DNAI4: variants seen among roughly 807,000 people sequenced by gnomAD.
The protein encoded by DNAI4 is dynein axonemal intermediate chain 4.
In DNAI4, 85 loss-of-function variants were observed where a neutral mutation model predicts 105.8. The observed-to-expected ratio is 0.80, with a 90% CI of 0.67 to 0.96. DNAI4 has a LOEUF of 0.96. Ranked by LOEUF, DNAI4 falls within the 40% of genes least tolerant of loss-of-function variation. DNAI4 has a pLI of 0.00. For synonymous variants in DNAI4, 352 were observed against 331.5 expected (o/e 1.06, Z -0.67); for missense variants, 1,014 against 1,005.6 (o/e 1.01, Z -0.11).
rs962301193 is a variant in DNAI4, at chr1:66,834,311, A to G, written c.1734-163T>C. On this transcript the variant is annotated intron_variant, in intron 11 of 16. Transcript: ENST00000371026. ...TTTATTTTAAATATTTTTAAAAAAGAAAAGACAACCACTTTTCTACTTAAT... is the reference window on the plus strand; with the variant it reads ...TTTATTTTAAATATTTTTAAAAAAGGAAAGACAACCACTTTTCTACTTAAT... 2.6e-5 allele frequency among the ~76,000 whole-genome samples: 4 copies of G among 152,190 alleles called. No homozygotes were observed. The South Asian group carries it at 6.2e-4, about 24-fold the overall frequency.
At chr1:66,885,002 T>C (rs1189783587) in intron 4 of DNAI4, among the ~76,000 whole-genome samples, 1 of 152,254 alleles carries the variant, frequency 6.6e-6, no homozygotes, top group Non-Finnish European at 1.5e-5. Flanking sequence ...AAAAATTGCT[T>C]TTTCTTCATC....
intron 16 of DNAI4, among the ~76,000 whole-genome samples, chr1:66,814,578 T>C (rs1966009): frequency 0.26 from 39,680 of 152,070 alleles, 5,370 homozygotes; most frequent in East Asian, 0.44. Context: ...CTGTGTTAGC[T>C]AGGATGGTCT....
At chr1:66,814,577 C>G (rs940234024) in intron 16 of DNAI4, among the ~76,000 whole-genome samples, 10 of 152,158 alleles carry the variant, frequency 6.6e-5, no homozygotes, top group African/African-American at 2.4e-4. Context: ...ACTGTGTTAG[C>G]TAGGATGGTC....
At chr1:66,824,993 A>C (rs1025537384) in intron 15 of DNAI4, among the ~76,000 whole-genome samples, 3 of 152,194 alleles carry the variant, frequency 2.0e-5, no homozygotes, top group Non-Finnish European at 2.9e-5. Flanking sequence ...CCTGCACTGC[A>C]GATTTCATAC....
At chr1:66,863,002 C>T (rs1268160024) in intron 6 of DNAI4, among the ~76,000 whole-genome samples, 1 of 152,156 alleles carries the variant, frequency 6.6e-6, no homozygotes, top group East Asian at 1.9e-4. Flanking sequence ...ATTGCCCCTG[C>T]TGGGAAAATT....
chr1:66,871,458 G>A lies in DNAI4; in HGVS notation c.852C>T (p.Asp284=). 2 of 1,609,976 alleles carry A rather than the reference G, an allele frequency of 1.2e-6. No homozygotes were observed. The highest frequency in any genetic ancestry group is 1.7e-6 in the Non-Finnish European group (2 of 1,178,100). The change falls in exon 6 of 17, where the codon GAC becomes GAT. Residue 284 remains aspartate (D), a synonymous_variant. Transcript: ENST00000371026. ...EVLCRNRLGN[D]LYVERMMQTF... is the part of the protein sequence containing the mutation. ...TCTGCATCATCCTTTCAACATATAG[G>A]TCATTGCCTAATCTGTTTCTACAAA...
chr1:66,923,690 C>T (rs1193916410), intron 1 of DNAI4, among the ~76,000 whole-genome samples: 1 of 152,134 alleles, frequency 6.6e-6, no homozygotes, highest in Non-Finnish European at 1.5e-5. Flanking sequence ...AGCGTGAGTA[C>T]CATATTCAAG....
chr1:66,908,119 A>G lies in DNAI4; in HGVS notation c.171-2744T>C, dbSNP rs551784731. ...AAAACCAAAATCATGGTTATTTCCA[A>G]TTATCCTCTTACTTTGAGCCTATAC... On this transcript the variant is annotated intron_variant, in intron 1 of 16. Transcript: ENST00000371026. Among the ~76,000 whole-genome samples, 3 of 152,258 alleles carry G rather than the reference A, an allele frequency of 2.0e-5. No individual in the cohort carries two copies. In the South Asian group the frequency reaches 6.2e-4, roughly 32 times the overall value.
chr1:66,818,573 G>A (rs1399849360), intron 16 of DNAI4, among the ~76,000 whole-genome samples: 1 of 152,078 alleles, frequency 6.6e-6, no homozygotes, highest in East Asian at 1.9e-4. Flanking sequence ...AATCAAAGTA[G>A]ACTGAGTAAT....
chr1:66,920,044 C>T (rs1650352430), intron 1 of DNAI4, among the ~76,000 whole-genome samples: 1 of 152,182 alleles, frequency 6.6e-6, no homozygotes, highest in African/African-American at 2.4e-5. Flanking sequence ...TGAGAACATA[C>T]ATCTGTGTTT....
At chr1:66,896,125 G>T (rs994870802) in intron 2 of DNAI4, among the ~76,000 whole-genome samples, 1 of 152,096 alleles carries the variant, frequency 6.6e-6, no homozygotes, top group Non-Finnish European at 1.5e-5. Flanking sequence ...ATGTATGTTT[G>T]ACACATACCA....
intron 6 of DNAI4, among the ~76,000 whole-genome samples, chr1:66,866,199 T>A (rs1646729335): frequency 6.6e-6 from 1 of 151,492 alleles, no homozygotes; most frequent in Non-Finnish European, 1.5e-5. Context: ...CCCAGCTACT[T>A]GGGAGGGTGA....
intron 5 of DNAI4, among the ~76,000 whole-genome samples, chr1:66,872,217 A>ATTTATTTAT (rs34323265): frequency 0.1 from 11,932 of 117,434 alleles, 545 homozygotes; most frequent in Middle Eastern, 0.12. Flanking sequence ...TTATTTATTT[A>ATTTATTTAT]TTATTTATTT....
intron 9 of DNAI4, among the ~76,000 whole-genome samples, chr1:66,839,836 C>T (rs1199627896): frequency 6.6e-6 from 1 of 152,154 alleles, no homozygotes; most frequent in Non-Finnish European, 1.5e-5. Flanking sequence ...GCTGTTTCAC[C>T]TACCAGTTGT....
chr1:66,898,841 A>G (rs1443705005), intron 2 of DNAI4, among the ~76,000 whole-genome samples: 2 of 152,080 alleles, frequency 1.3e-5, no homozygotes, highest in African/African-American at 4.8e-5. Context: ...AGACTTCCCT[A>G]TTCAGGAGTT....
chr1:66,879,421 T>C (rs772273282), intron 4 of DNAI4, among the ~76,000 whole-genome samples: 13 of 152,272 alleles, frequency 8.5e-5, no homozygotes, highest in Admixed American at 2.0e-4. Flanking sequence ...TGTTTATTTA[T>C]CTGTTCACCA....
chr1:66,901,493 T>C (rs1485958121), intron 2 of DNAI4, among the ~76,000 whole-genome samples: 1 of 152,220 alleles, frequency 6.6e-6, no homozygotes, highest in African/African-American at 2.4e-5. Context: ...TAGTACATTA[T>C]TTCTATTAGT....
chr1:66,874,698 G>C (rs1432105713), intron 5 of DNAI4, 83 bp downstream of exon 5: 3 of 1,444,736 alleles, frequency 2.1e-6, no homozygotes, highest in Non-Finnish European at 2.8e-6. Flanking sequence ...AACCCCCAAG[G>C]ACCCTTCACA....
At position 66,859,891 on chromosome 1, in the gene DNAI4, T is replaced by C. The variant is rs374640593; in HGVS notation, c.1096+2256A>G. On this transcript the variant is annotated intron_variant, in intron 7 of 16. Transcript: ENST00000371026. Reference sequence around the variant, plus strand: ...TTTTTGCTGTATAAAACTGTAATGGTAGAAACATGCCGTTATGCATTTGTT... The same window carrying C: ...TTTTTGCTGTATAAAACTGTAATGGCAGAAACATGCCGTTATGCATTTGTT... Among the ~76,000 whole-genome samples, 9 of 152,234 alleles carry C rather than the reference T, an allele frequency of 5.9e-5. No homozygotes were observed. The East Asian group carries it at 9.6e-4, about 16-fold the overall frequency.
Sources: gnomAD v4.1 joint callset for allele counts (sites outside exome capture counted in the v4.1 genomes callset) on GRCh38, gnomAD v4.1.1 for gene constraint, MANE v1.5 for transcripts, NCBI Gene and HGNC (gene_info 2026-07-23, HGNC 2026-07-21) for gene names.